Variants in SEMA6D observed in about 807,000 individuals in gnomAD.
SEMA6D encodes the protein semaphorin 6D.
In SEMA6D, 35 loss-of-function variants were observed where a neutral mutation model predicts 106.6. The observed-to-expected ratio is 0.33, with a 90% CI of 0.25 to 0.44. The LOEUF is 0.44. SEMA6D is among the 20% of genes least tolerant of loss of function. The pLI is 1.00. For missense variants in SEMA6D, 1,185 were observed against 1,345.9 expected (o/e 0.88, Z 1.87); for synonymous variants, 499 against 487.7 (o/e 1.02, Z -0.31).
intron 4 of SEMA6D, among the ~76,000 whole-genome samples, chr15:47,706,618 CTG>C (rs1198076385): frequency 6.6e-6 from 1 of 152,166 alleles, no homozygotes; most frequent in East Asian, 1.9e-4. Flanking sequence ...CTGCTAAAGA[CTG>C]TATCTTTTTC....
intron 3 of SEMA6D, among the ~76,000 whole-genome samples, chr15:47,524,744 T>C (rs1209002179): frequency 1.3e-5 from 2 of 152,160 alleles, no homozygotes; most frequent in East Asian, 1.9e-4. Flanking sequence ...GAAATTTACC[T>C]TCCCACATAG....
intron 1 of SEMA6D, among the ~76,000 whole-genome samples, chr15:47,300,833 T>C (rs2035991150): frequency 6.6e-6 from 1 of 152,240 alleles, no homozygotes; most frequent in South Asian, 2.1e-4. Context: ...GTATGTCATG[T>C]AGCCACCAAG....
intron 2 of SEMA6D, among the ~76,000 whole-genome samples, chr15:47,439,210 G>A (rs117815047): frequency 0.029 from 4,401 of 152,148 alleles, 104 homozygotes; most frequent in Non-Finnish European, 0.04. Context: ...TATTTCATTA[G>A]CAATGTTTTA....
intron 1 of SEMA6D, among the ~76,000 whole-genome samples, chr15:47,738,169 G>A (rs2146935545): frequency 6.6e-6 from 1 of 152,048 alleles, no homozygotes; most frequent in South Asian, 2.1e-4. Flanking sequence ...ACCCCAAATA[G>A]GCCCTGGTGT....
chr15:47,659,724 G>T (rs568919487), intron 4 of SEMA6D, among the ~76,000 whole-genome samples: 6 of 152,074 alleles, frequency 3.9e-5, no homozygotes, highest in Admixed American at 3.3e-4. Flanking sequence ...TAAAGTTCAC[G>T]AAAGGAAAGG....
chr15:47,218,856 A>G (rs922717414), intron 1 of SEMA6D, among the ~76,000 whole-genome samples: 1 of 152,208 alleles, frequency 6.6e-6, no homozygotes, highest in African/African-American at 2.4e-5. Flanking sequence ...CAGGGAGGTT[A>G]AGTAACATAG....
At chr15:47,584,419 G>A (rs1166691379) in intron 3 of SEMA6D, among the ~76,000 whole-genome samples, 1 of 149,696 alleles carries the variant, frequency 6.7e-6, no homozygotes, top group Non-Finnish European at 1.5e-5. Flanking sequence ...GCAAAACTCT[G>A]TCTCAGGGGA....
At chr15:47,695,245 A>G (rs1181065907) in intron 4 of SEMA6D, among the ~76,000 whole-genome samples, 3 of 152,196 alleles carry the variant, frequency 2.0e-5, no homozygotes, top group Non-Finnish European at 4.4e-5. Context: ...GAAAAGAAAA[A>G]AGATAATGTG....
chr15:47,245,311 C>T (rs918026127), intron 1 of SEMA6D, among the ~76,000 whole-genome samples: 13 of 152,154 alleles, frequency 8.5e-5, no homozygotes, highest in Non-Finnish European at 1.2e-4. Flanking sequence ...AATTTACAAT[C>T]CCTCCAGCAG....
chr15:47,587,105 TGCTGGAGGAAGCCTCTTTCTGGG>T (rs1441181370), intron 3 of SEMA6D, among the ~76,000 whole-genome samples: 2 of 152,162 alleles, frequency 1.3e-5, no homozygotes, highest in Non-Finnish European at 2.9e-5. Context: ...GGGCCCAACC[TGCTGGAGGAAGCCTCTTTCTGGG>T]GCTGGAGGAG....
chr15:47,635,606 G>C (rs2077372798), intron 4 of SEMA6D, among the ~76,000 whole-genome samples: 1 of 152,192 alleles, frequency 6.6e-6, no homozygotes, highest in African/African-American at 2.4e-5. Context: ...CGAAAAATGA[G>C]AGCAGTCTTA....
intron 3 of SEMA6D, among the ~76,000 whole-genome samples, chr15:47,495,251 G>A (rs34597513): frequency 0.38 from 58,121 of 151,370 alleles, 12,320 homozygotes; most frequent in African/African-American, 0.58. Flanking sequence ...GCTTTCCTTT[G>A]CTATATTTTT....
chr15:47,227,419 C>CTTTTTCTT lies in SEMA6D; in HGVS notation c.-239+43002_-239+43003insTTTTCTTT, dbSNP rs1555407167. Among the ~76,000 whole-genome samples, 5 of 115,332 alleles carry CTTTTTCTT rather than the reference C, an allele frequency of 4.3e-5. No homozygotes were observed. The South Asian group carries it at 1.4e-3, about 32-fold the overall frequency. 75.7% of individuals were successfully genotyped at this position (115,332 alleles called of 152,430 possible). A position where few individuals can be genotyped will look rare whatever the true frequency, so the allele number is the denominator to read the frequency against. ...TTCTACCTTATGTCTTTCTTTCTTTCTCTTTCTTTCTTTCTTTCTTTTCTT... is the reference window on the plus strand; with the variant it reads ...TTCTACCTTATGTCTTTCTTTCTTTCTTTTTCTTTCTTTCTTTCTTTCTTTCTTTTCTT... On this transcript the variant is annotated intron_variant, in intron 1 of 19. Transcript: ENST00000558014.
At chr15:47,471,251 CTGTCCTAGTCAT>C (rs1425293455) in intron 3 of SEMA6D, among the ~76,000 whole-genome samples, 1 of 152,128 alleles carries the variant, frequency 6.6e-6, no homozygotes, top group East Asian at 1.9e-4. Flanking sequence ...CACTGACGCA[CTGTCCTAGTCAT>C]TGTGTTGAAA....
chr15:47,224,338 T>C (rs552474250), intron 1 of SEMA6D, among the ~76,000 whole-genome samples: 14 of 152,190 alleles, frequency 9.2e-5, no homozygotes, highest in Middle Eastern at 3.4e-3. Flanking sequence ...ATTCTTTTTC[T>C]ATCCTCTGTG....
intron 4 of SEMA6D, among the ~76,000 whole-genome samples, chr15:47,704,018 C>T (rs2078865904): frequency 6.6e-6 from 1 of 152,184 alleles, no homozygotes; most frequent in Admixed American, 6.5e-5. Context: ...TATAGCTTTA[C>T]AGAGACACAC....
intron 1 of SEMA6D, among the ~76,000 whole-genome samples, chr15:47,233,877 CTCT>C (rs1246525093): frequency 6.6e-6 from 1 of 151,832 alleles, no homozygotes; most frequent in East Asian, 1.9e-4. Context: ...GTAGTTTTAC[CTCT>C]TCTTTTTCAA....
chr15:47,767,015 CT>C, intron 16 of SEMA6D, 21 bp from the exon 17 acceptor site: 9 of 1,453,142 alleles, frequency 6.2e-6, no homozygotes, highest in Non-Finnish European at 8.4e-6. Flanking sequence ...TCACTGATTA[CT>C]TGTTCCTTTA....
intron 1 of SEMA6D, among the ~76,000 whole-genome samples, chr15:47,347,622 TCTG>T (rs1462924871): frequency 1.3e-5 from 2 of 152,172 alleles, no homozygotes; most frequent in Non-Finnish European, 2.9e-5. Context: ...CTAGTAAAAA[TCTG>T]CTCCTCTCTT....
Sources: allele counts gnomAD v4.1 joint callset (sites outside exome capture counted in the v4.1 genomes callset), GRCh38; gene constraint gnomAD v4.1.1; transcripts MANE v1.5; gene names NCBI Gene and HGNC (gene_info 2026-07-23, HGNC 2026-07-21).